Variants in TCF7L1 observed in about 807,000 individuals in gnomAD.
TCF7L1 encodes transcription factor 7-like 1.
A neutral mutation model predicts 63.7 loss-of-function variants in TCF7L1; 18 were observed. The observed-to-expected ratio is 0.28, with a 90% CI of 0.20 to 0.42. TCF7L1 has a LOEUF of 0.42. Among genes scored for constraint, TCF7L1 ranks in the 10% least tolerant of loss-of-function variants. TCF7L1 has a pLI of 1.00. For missense variants in TCF7L1, 654 were observed against 779.3 expected, an observed-to-expected ratio of 0.84 and a Z score of 1.91; for synonymous variants, 355 against 340.9, an observed-to-expected ratio of 1.04 and a Z score of -0.46.
intron 3 of TCF7L1, among the ~76,000 whole-genome samples, chr2:85,143,857 T>C (rs1677803598): frequency 6.6e-6 from 1 of 152,170 alleles, no homozygotes; most frequent in Non-Finnish European, 1.5e-5. Context: ...GAATAAACAG[T>C]TGTAGAAGCG....
In TCF7L1 at chr2:85,243,986, G is replaced by A. The variant is rs537305278; in HGVS notation, c.442-39509G>A. ...CCTGCCAGGGAGGGTTCAGGGTAAA[G>A]CCTTCAGTTTGCTTGTTCATTCATT... On this transcript the variant is annotated intron_variant, in intron 3 of 11. Coordinates refer to ENST00000282111, the MANE Select transcript of TCF7L1 (RefSeq NM_031283.3). 2.0e-5 allele frequency among the ~76,000 whole-genome samples: 3 copies of A among 152,360 alleles called. No homozygotes were observed. The East Asian group carries it at 5.8e-4, about 29-fold the overall frequency.
chr2:85,201,197 C>A (rs7576858), intron 3 of TCF7L1, among the ~76,000 whole-genome samples: 4,782 of 152,160 alleles, frequency 0.031, 89 homozygotes, highest in Non-Finnish European at 0.049. Flanking sequence ...AGAGAGACTT[C>A]GTCTCAAGAA....
At chr2:85,274,180 A>G (rs1177066284) in intron 3 of TCF7L1, among the ~76,000 whole-genome samples, 1 of 152,210 alleles carries the variant, frequency 6.6e-6, no homozygotes, top group African/African-American at 2.4e-5. Context: ...GGCAGTGAGC[A>G]TAGACACTGC....
chr2:85,164,623 C>T (rs1201946721), intron 3 of TCF7L1, among the ~76,000 whole-genome samples: 1 of 152,116 alleles, frequency 6.6e-6, no homozygotes, highest in East Asian at 1.9e-4. Context: ...GCTCCAAAAA[C>T]CTGAATGGAA....
At chr2:85,171,117 G>A (rs111372021) in intron 3 of TCF7L1, among the ~76,000 whole-genome samples, 2 of 152,164 alleles carry the variant, frequency 1.3e-5, no homozygotes, top group African/African-American at 2.4e-5. Context: ...GCAGAGGCAC[G>A]TCTTACATGG....
chr2:85,175,400 A>G (rs1433938469), intron 3 of TCF7L1, among the ~76,000 whole-genome samples: 1 of 152,214 alleles, frequency 6.6e-6, no homozygotes, highest in Non-Finnish European at 1.5e-5. Flanking sequence ...TCCACAGGAT[A>G]GTAACAGGTG....
chr2:85,288,716 C>G (rs1239070121), intron 4 of TCF7L1, among the ~76,000 whole-genome samples: 2 of 152,146 alleles, frequency 1.3e-5, no homozygotes, highest in African/African-American at 4.8e-5. Context: ...GACTTTACAC[C>G]TTCAAAACAA....
At chr2:85,141,498 G>T (rs764676875) in intron 3 of TCF7L1, among the ~76,000 whole-genome samples, 1 of 152,098 alleles carries the variant, frequency 6.6e-6, no homozygotes, top group Non-Finnish European at 1.5e-5. Flanking sequence ...CTTCTATCCC[G>T]GTGTACCTTC....
intron 3 of TCF7L1, among the ~76,000 whole-genome samples, chr2:85,158,522 G>C (rs971238655): frequency 6.6e-6 from 1 of 152,224 alleles, no homozygotes; most frequent in Non-Finnish European, 1.5e-5. Flanking sequence ...CCTGAGAGAG[G>C]TTGGGGGCAG....
chr2:85,251,852 C>T (rs1377817632), intron 3 of TCF7L1, among the ~76,000 whole-genome samples: 1 of 152,154 alleles, frequency 6.6e-6, no homozygotes, highest in Non-Finnish European at 1.5e-5. Flanking sequence ...GCAGGCAGAT[C>T]ATTTGAGTCT....
At chr2:85,212,922 G>A (rs1679607952) in intron 3 of TCF7L1, among the ~76,000 whole-genome samples, 1 of 152,144 alleles carries the variant, frequency 6.6e-6, no homozygotes, top group East Asian at 1.9e-4. Context: ...TTGGGAAGTG[G>A]AATGGCCCTA....
chr2:85,222,735 G>A (rs1046533111), intron 3 of TCF7L1, among the ~76,000 whole-genome samples: 3 of 150,646 alleles, frequency 2.0e-5, no homozygotes, highest in East Asian at 3.9e-4. Context: ...TTGACCAATA[G>A]CAAATGTATG....
intron 3 of TCF7L1, among the ~76,000 whole-genome samples, chr2:85,265,722 G>T (rs1680952744): frequency 6.6e-6 from 1 of 151,786 alleles, no homozygotes; most frequent in Non-Finnish European, 1.5e-5. Flanking sequence ...GCACTCAGAA[G>T]TTCAGAAATG....
At chr2:85,308,440 C>CCTCCTTTTCTCCCTCCCTCG (rs1366405686) in intron 11 of TCF7L1, among the ~76,000 whole-genome samples, 1 of 107,088 alleles carries the variant, frequency 9.3e-6, no homozygotes, top group Non-Finnish European at 1.9e-5. Flanking sequence ...TTTCTCCCTC[C>CCTCCTTTTCTCCCTCCCTCG]CTTTCTCTTT....
At chr2:85,274,725 T>C (rs959791537) in intron 3 of TCF7L1, among the ~76,000 whole-genome samples, 5 of 152,250 alleles carry the variant, frequency 3.3e-5, no homozygotes, top group Non-Finnish European at 7.3e-5. Flanking sequence ...TTTTTCACTT[T>C]GTTTTTTGCT....
At chr2:85,298,800 G>A (rs1405952770) in intron 4 of TCF7L1, among the ~76,000 whole-genome samples, 2 of 152,060 alleles carry the variant, frequency 1.3e-5, no homozygotes, top group Non-Finnish European at 1.5e-5. Flanking sequence ...CTCGGTTTGG[G>A]TATATGCTGT....
At chr2:85,233,036 A>C (rs1680117761) in intron 3 of TCF7L1, 1 of 152,198 alleles carries the variant, frequency 6.6e-6, no homozygotes, top group Non-Finnish European at 1.5e-5. Context: ...GGCTCAAGAG[A>C]TCCTCCCACC....
chr2:85,216,331 G>A (rs72840157), intron 3 of TCF7L1, among the ~76,000 whole-genome samples: 1 of 152,212 alleles, frequency 6.6e-6, no homozygotes, highest in Non-Finnish European at 1.5e-5. Context: ...CTGCTGAGAA[G>A]GTATGTGACT....
intron 3 of TCF7L1, among the ~76,000 whole-genome samples, chr2:85,259,979 A>G (rs1573014258): frequency 6.6e-6 from 1 of 152,308 alleles, no homozygotes; most frequent in African/African-American, 2.4e-5. Context: ...AGAACTCCCA[A>G]GAGGCCCCCA....
Sources: allele counts gnomAD v4.1 joint callset (sites outside exome capture counted in the v4.1 genomes callset), GRCh38; gene constraint gnomAD v4.1.1; transcripts MANE v1.5; gene names NCBI Gene and HGNC (gene_info 2026-07-23, HGNC 2026-07-21).